SNTG1: variants seen among roughly 807,000 people sequenced by gnomAD.
The protein encoded by SNTG1 is gamma-1-syntrophin.
SNTG1 carries 39 observed loss-of-function variants against 74.7 expected under a neutral mutation model. The ratio of observed to expected loss-of-function variants is 0.52; its 90% CI spans 0.40 to 0.68. The LOEUF (loss-of-function observed/expected upper bound fraction) is 0.68, where lower values mean the gene tolerates loss of function less well. Among genes scored for constraint, SNTG1 ranks in the 30% least tolerant of loss-of-function variants. The pLI is 0.00. For missense variants in SNTG1, 685 were observed against 609.5 expected (o/e 1.12, Z -1.30); for synonymous variants, 254 against 217.1 (o/e 1.17, Z -1.49).
At chr8:50,770,795 G>A (rs1017359268) in intron 18 of SNTG1, among the ~76,000 whole-genome samples, 1 of 151,972 alleles carries the variant, frequency 6.6e-6, no homozygotes, top group African/African-American at 2.4e-5. Context: ...TAATTTCCAT[G>A]AGAATTGGTT....
At chr8:50,030,791 C>A (rs1448667185) in intron 1 of SNTG1, among the ~76,000 whole-genome samples, 2 of 152,008 alleles carry the variant, frequency 1.3e-5, no homozygotes, top group African/African-American at 4.8e-5. Flanking sequence ...CCACCTTATT[C>A]TTCTTTTCAA....
At chr8:50,410,363 A>G (rs2092931564) in intron 4 of SNTG1, among the ~76,000 whole-genome samples, 1 of 152,156 alleles carries the variant, frequency 6.6e-6, no homozygotes, top group Admixed American at 6.5e-5. Context: ...ACACACATGC[A>G]CAAAATACAC....
intron 1 of SNTG1, among the ~76,000 whole-genome samples, chr8:50,165,447 G>A (rs1232587027): frequency 6.6e-6 from 1 of 152,184 alleles, no homozygotes; most frequent in African/African-American, 2.4e-5. Context: ...TTTGTGTCCT[G>A]TATACTGATG....
intron 1 of SNTG1, among the ~76,000 whole-genome samples, chr8:49,925,812 T>A (rs577497169): frequency 1.3e-5 from 2 of 152,228 alleles, no homozygotes; most frequent in Non-Finnish European, 2.9e-5. Context: ...GCTTTTCCAA[T>A]CTGTTTGCTC....
At chr8:50,432,712 A>G (rs1034739208) in intron 4 of SNTG1, among the ~76,000 whole-genome samples, 4 of 151,950 alleles carry the variant, frequency 2.6e-5, no homozygotes, top group Non-Finnish European at 5.9e-5. Context: ...TTTCATATAT[A>G]AATCCTATTA....
chr8:50,180,127 A>G (rs924262631), intron 2 of SNTG1, among the ~76,000 whole-genome samples: 9 of 152,234 alleles, frequency 5.9e-5, no homozygotes, highest in South Asian at 2.1e-4. Flanking sequence ...GACATTTGCA[A>G]CAACATTGTT....
rs1585501011 is a variant in SNTG1, at chr8:49,919,889, T to A, written c.-103+7658T>A. ...AGTAAAACTCCCGAAAGTAGATTAA[T>A]CTACTTGTGTACATTTTACACCATT... On this transcript the variant is annotated intron_variant, in intron 1 of 18. Transcript: ENST00000642720. Among the ~76,000 whole-genome samples the A allele has an allele frequency of 2.0e-5, 3 of 152,218 alleles. No homozygotes were observed. The South Asian group carries it at 6.2e-4, about 32-fold the overall frequency.
chr8:50,231,345 G>A (rs775540254), intron 2 of SNTG1, among the ~76,000 whole-genome samples: 2 of 151,224 alleles, frequency 1.3e-5, no homozygotes, highest in Non-Finnish European at 3.0e-5. Flanking sequence ...AAACTAAAAA[G>A]AGAGTTACCA....
intron 2 of SNTG1, among the ~76,000 whole-genome samples, chr8:50,245,208 A>G (rs2086342136): frequency 6.6e-6 from 1 of 152,146 alleles, no homozygotes; most frequent in Admixed American, 6.5e-5. Flanking sequence ...CTTGAAAATC[A>G]TGCTTGGGGC....
chr8:50,654,342 TC>T (rs2095167517), intron 13 of SNTG1, among the ~76,000 whole-genome samples: 1 of 152,170 alleles, frequency 6.6e-6, no homozygotes, highest in African/African-American at 2.4e-5. Context: ...ACTAATTCTT[TC>T]TTTAGCTGCT....
chr8:50,140,360 C>G (rs2081615480), intron 1 of SNTG1, among the ~76,000 whole-genome samples: 1 of 152,140 alleles, frequency 6.6e-6, no homozygotes, highest in Non-Finnish European at 1.5e-5. Context: ...GTGATGCTTC[C>G]TTTCTCAGCC....
intron 1 of SNTG1, among the ~76,000 whole-genome samples, chr8:50,095,257 G>A (rs979775195): frequency 1.3e-5 from 2 of 151,832 alleles, no homozygotes; most frequent in Non-Finnish European, 2.9e-5. Flanking sequence ...CCCCAGCAAT[G>A]CATAATTTAC....
At chr8:50,269,741 GA>G (rs910096000) in intron 2 of SNTG1, among the ~76,000 whole-genome samples, 7 of 151,576 alleles carry the variant, frequency 4.6e-5, no homozygotes, top group Admixed American at 2.0e-4. Flanking sequence ...AAAATAAAGA[GA>G]AAAAAAACAG....
chr8:50,695,352 A>G (rs903897727), intron 15 of SNTG1, among the ~76,000 whole-genome samples: 1 of 152,120 alleles, frequency 6.6e-6, no homozygotes, highest in Non-Finnish European at 1.5e-5. Flanking sequence ...TAATAGATAC[A>G]CAAAATGCTT....
At chr8:50,331,274 C>T (rs879376826) in intron 2 of SNTG1, among the ~76,000 whole-genome samples, 2 of 152,068 alleles carry the variant, frequency 1.3e-5, no homozygotes, top group African/African-American at 2.4e-5. Flanking sequence ...CCTTGTGGGG[C>T]TGGTGTACCC....
chr8:50,368,526 G>C (rs994003601), intron 2 of SNTG1, among the ~76,000 whole-genome samples: 1 of 152,094 alleles, frequency 6.6e-6, no homozygotes, highest in African/African-American at 2.4e-5. Context: ...AGAGATAATG[G>C]GGGTGACCCA....
chr8:49,953,309 C>T (rs1228914354), intron 1 of SNTG1, among the ~76,000 whole-genome samples: 1 of 152,212 alleles, frequency 6.6e-6, no homozygotes, highest in African/African-American at 2.4e-5. Flanking sequence ...TCAGTCTTCT[C>T]TCCAGGGATC....
chr8:50,019,534 T>C (rs988906729), intron 1 of SNTG1, among the ~76,000 whole-genome samples: 1 of 152,104 alleles, frequency 6.6e-6, no homozygotes, highest in South Asian at 2.1e-4. Flanking sequence ...GAAAAATTTA[T>C]CTGAACTATT....
At chr8:50,078,597 A>C (rs1207766099) in intron 1 of SNTG1, among the ~76,000 whole-genome samples, 5 of 152,100 alleles carry the variant, frequency 3.3e-5, no homozygotes, top group African/African-American at 1.2e-4. Context: ...CTGAGCATGC[A>C]GGTTTATTAC....
Sources: gnomAD v4.1 joint callset for allele counts (sites outside exome capture counted in the v4.1 genomes callset) on GRCh38, gnomAD v4.1.1 for gene constraint, MANE v1.5 for transcripts, NCBI Gene and HGNC (gene_info 2026-07-23, HGNC 2026-07-21) for gene names.